Variants in FUS observed in about 807,000 individuals in gnomAD.
The protein encoded by FUS is FUS RNA binding protein.
Under a neutral mutation model 82.7 loss-of-function variants are expected in FUS, and 5 were observed. The observed-to-expected ratio is 0.06, with a 90% CI of 0.03 to 0.13. The LOEUF (loss-of-function observed/expected upper bound fraction) is 0.13. FUS is among the 10% of genes least tolerant of loss of function. The pLI is 1.00. For synonymous variants in FUS, 281 were observed against 247.4 expected (o/e 1.14, Z -1.27); for missense variants, 512 against 707.8 (o/e 0.72, Z 3.14).
downstream of FUS, chr16:31,191,824 G>A (rs1366730647): frequency 5.3e-6 from 3 of 562,284 alleles, no homozygotes; most frequent in Non-Finnish European, 1.0e-5. Context: ...TGTCATGAGT[G>A]TTGGCCTAAA....
intron 5 of FUS, 30 bp downstream of exon 5, chr16:31,184,426 C>CA: frequency 6.6e-7 from 1 of 1,511,468 alleles, no homozygotes; most frequent in Non-Finnish European, 9.1e-7. Flanking sequence ...GTCTGCAGCC[C>CA]ATTTTCTTTT....
At chr16:31,194,134 T>G (rs1567483124), downstream of FUS, 1 of 532,580 alleles carries the variant, frequency 1.9e-6, no homozygotes. Context: ...CCCCATCTTG[T>G]GCCGGGCCTT....
chr16:31,190,337 C>T lies in FUS; in HGVS notation c.1231C>T (p.Pro411Ser), dbSNP rs745579889. 5.6e-6 allele frequency: 9 copies of T among 1,613,970 alleles called. No homozygotes were observed. In the South Asian group the frequency reaches 9.9e-5, roughly 18 times the overall value. ...GSGGGGRGGF[P>S]SGGGGGGGQQ... The stretch of plus-strand genomic sequence containing the variant: ...TGGTGGTGGTGGCCGAGGAGGATTT[C>T]CCAGTGGAGGTGGTGGCGGTGGAGG... Residue 411 changes from proline (P) to serine (S), a missense_variant, in exon 12 of 15, where the codon CCC becomes TCC. Pro to Ser is a moderately conservative substitution (Grantham distance 74). Coordinates refer to ENST00000254108, the MANE Select transcript of FUS (RefSeq NM_004960.4).
chr16:31,190,023 A>T lies in FUS; in HGVS notation c.1067-17A>T. ...GTCTTGCATTTAAAGTCTGTTGATG[A>T]TTTTTTGTTTCTCTAGGTAAAGAAT... On this transcript the variant is annotated splice_polypyrimidine_tract_variant and intron_variant, in intron 10 of 14. Coordinates refer to ENST00000254108, the MANE Select transcript of FUS (RefSeq NM_004960.4). The T allele has an allele frequency of 6.2e-7, 1 of 1,602,628 alleles. No individual in the cohort carries two copies. The highest frequency in any genetic ancestry group is 8.5e-7 in the Non-Finnish European group (1 of 1,173,556).
At chr16:31,186,708 T>TACCCATG in intron 6 of FUS, 94 bp from the exon 7 acceptor site, 2 of 1,199,158 alleles carry the variant, frequency 1.7e-6, no homozygotes, top group Admixed American at 3.4e-5. Flanking sequence ...CAAAAACACC[T>TACCCATG]ACCCATGTTT....
At chr16:31,193,901 C>T (rs1267389207), downstream of FUS, 2 of 529,028 alleles carry the variant, frequency 3.8e-6, no homozygotes, top group African/African-American at 1.9e-5. Context: ...CCTGCCTCAG[C>T]CTCCCAAAGT....
intron 7 of FUS, chr16:31,188,045 A>G (rs1455847856): frequency 1.9e-6 from 1 of 528,546 alleles, no homozygotes; most frequent in Non-Finnish European, 3.4e-6. Flanking sequence ...TGCTGAGGAC[A>G]TTTCCCAGCC....
intron 6 of FUS, 113 bp downstream of exon 6, chr16:31,185,292 C>A: frequency 1.6e-6 from 2 of 1,282,624 alleles, no homozygotes; most frequent in Non-Finnish European, 2.1e-6. Flanking sequence ...GTCTAGGGAT[C>A]TGTGAGGGCT....
chr16:31,186,647 CAA>C (rs2079274816), intron 6 of FUS, 153 bp from the exon 7 acceptor site: 1 of 713,280 alleles, frequency 1.4e-6, no homozygotes, highest in Non-Finnish European at 2.6e-6. Context: ...AAAGGTCAGA[CAA>C]GGGGTGGTCA....
Position 31,191,031 on chromosome 16 carries a change from G to A in FUS, c.1462G>A (p.Gly488Ser), listed in dbSNP as rs200903051. 7 of 1,613,946 alleles carry A rather than the reference G, an allele frequency of 4.3e-6. No individual in the cohort carries two copies. Among genetic ancestry groups the A allele is most frequent in the Admixed American group, 1.7e-5 (1 of 60,010 alleles). The change falls in exon 14 of 15, where the codon GGC becomes AGC. Residue 488 changes from glycine (G) to serine (S), a missense_variant. Around this residue, in one of 6 missense-constraint regions of FUS, gnomAD observed 96 missense variants for 120.7 expected, o/e 0.80. Coordinates refer to ENST00000254108, the MANE Select transcript of FUS (RefSeq NM_004960.4). ...GYDRGGYRGR[G>S]GDRGGFRGGR... The stretch of plus-strand genomic sequence containing the variant: ...TGATCGAGGCGGCTACCGGGGCCGC[G>A]GCGGGGACCGTGGAGGCTTCCGAGG...
At chr16:31,190,662 AAGT>A in intron 12 of FUS, 77 bp from the exon 13 acceptor site, 1 of 1,371,452 alleles carries the variant, frequency 7.3e-7, no homozygotes, top group Non-Finnish European at 1.0e-6. Context: ...TGTATCTCTA[AAGT>A]CACCGTAGTT....
rs777739428 is a variant in FUS, at chr16:31,184,007, G to A, written c.335+5G>A. On this transcript the variant is annotated splice_donor_5th_base_variant and intron_variant, in intron 4 of 14. Transcript: ENST00000254108. ...TCCCAGCAGCACCTCGGGAAGGTAC[G>A]GTGGTGTTGATGTCGGGGAAGGCTT... 6 of 1,614,096 alleles carry A rather than the reference G, an allele frequency of 3.7e-6. No individual in the cohort carries two copies. Among genetic ancestry groups the A allele is most frequent in the Non-Finnish European group, 5.1e-6 (6 of 1,180,006 alleles).
downstream of FUS, chr16:31,194,311 G>A: frequency 3.0e-6 from 1 of 338,512 alleles, no homozygotes; most frequent in Non-Finnish European, 5.5e-6. Flanking sequence ...TTTTTTTTTT[G>A]AGACGGTCTC....
intron 1 of FUS, among the ~76,000 whole-genome samples, chr16:31,180,657 C>T (rs143159643): frequency 0.013 from 1,939 of 152,314 alleles, 23 homozygotes; most frequent in Non-Finnish European, 0.018. Flanking sequence ...GGTACCCCTT[C>T]CCCGCCTCGT....
In FUS at chr16:31,190,065, C is replaced by T. The variant is rs769791495; in HGVS notation, c.1092C>T (p.Ile364=). The change falls in exon 11 of 15, where the codon ATC becomes ATT. Residue 364 remains isoleucine, a synonymous_variant. Transcript: ENST00000254108. The part of the protein sequence containing the change: ...FDGKEFSGNP[I]KVSFATRRAD... ...GTAAAGAATTCTCCGGAAATCCTAT[C>T]AAGGTCTCATTTGCTACTCGCCGGG... The T allele has an allele frequency of 6.2e-7, 1 of 1,613,746 alleles. No individual in the cohort carries two copies. The highest frequency in any genetic ancestry group is 2.2e-5 in the East Asian group (1 of 44,882).
intron 5 of FUS, 31 bp from the exon 6 acceptor site, chr16:31,184,903 GTTTTT>G: frequency 7.9e-7 from 1 of 1,266,090 alleles, no homozygotes; most frequent in Non-Finnish European, 1.1e-6. Flanking sequence ...CAATCTTTTT[GTTTTT>G]TTTTTTTAAT....
intron 1 of FUS, among the ~76,000 whole-genome samples, chr16:31,181,737 G>A (rs1288730312): frequency 6.6e-6 from 1 of 152,160 alleles, no homozygotes. Flanking sequence ...GACTCCTGGC[G>A]ATAATGGCTT....
rs779527448 is a variant in FUS at position 31,184,305 on chromosome 16, A to G, written c.432A>G (p.Gly144=). ...PSYGGQQQSY[G]QQQSYNPPQG... ...ATGGTGGACAGCAGCAAAGCTATGG[A>G]CAGCAGCAAAGCTATAATCCCCCTC... Residue 144 remains glycine, a synonymous_variant, in exon 5 of 15, where the codon GGA becomes GGG. Transcript: ENST00000254108. 1.9e-6 allele frequency: 3 copies of G among 1,614,088 alleles called. No homozygotes were observed. Among genetic ancestry groups the G allele is most frequent in the South Asian group, 2.2e-5 (2 of 91,074 alleles).
At chr16:31,186,718 T>TG (rs1294736484) in intron 6 of FUS, 84 bp from the exon 7 acceptor site, 1 of 1,328,754 alleles carries the variant, frequency 7.5e-7, no homozygotes. Context: ...TACCCATGTT[T>TG]GGGGAATGTT....
Sources: allele counts gnomAD v4.1 joint callset (sites outside exome capture counted in the v4.1 genomes callset), GRCh38; gene constraint gnomAD v4.1.1; regional missense constraint gnomAD v4.1.1; transcripts MANE v1.5; gene names NCBI Gene and HGNC (gene_info 2026-07-23, HGNC 2026-07-21).